GLIS3: variants seen among roughly 807,000 people sequenced by gnomAD.
GLIS3 encodes the protein GLIS family zinc finger 3.
GLIS3 carries 53 observed loss-of-function variants against 78.6 expected under a neutral mutation model. The observed-to-expected ratio is 0.67, with a 90% CI of 0.54 to 0.85. The LOEUF is 0.85. Ranked by LOEUF, GLIS3 falls within the 40% of genes least tolerant of loss-of-function variation. The pLI is 0.00. For synonymous variants in GLIS3, 684 were observed against 509.9 expected (o/e 1.34, Z -4.60); for missense variants, 1,703 against 1,231.1 (o/e 1.38, Z -5.74).
At chr9:4,226,926 G>C (rs993795583) in intron 2 of GLIS3, among the ~76,000 whole-genome samples, 2 of 152,186 alleles carry the variant, frequency 1.3e-5, no homozygotes, top group Non-Finnish European at 2.9e-5. Flanking sequence ...AAGGGAATCA[G>C]AATTATTCAT....
intron 4 of GLIS3, among the ~76,000 whole-genome samples, chr9:4,102,199 A>T (rs1278507043): frequency 6.6e-6 from 1 of 152,166 alleles, no homozygotes; most frequent in African/African-American, 2.4e-5. Context: ...AGGGTCAACT[A>T]AGTACTTGGA....
intron 7 of GLIS3, among the ~76,000 whole-genome samples, chr9:3,879,952 A>G (rs1283302675): frequency 6.6e-6 from 1 of 152,114 alleles, no homozygotes; most frequent in East Asian, 1.9e-4. Context: ...GATGAGAGTC[A>G]GGTAACAGAA....
At chr9:3,896,670 T>TAATTAA (rs756694471) in intron 7 of GLIS3, among the ~76,000 whole-genome samples, 3 of 50,016 alleles carry the variant, frequency 6.0e-5, no homozygotes, top group African/African-American at 2.5e-4. Flanking sequence ...CCATCTCAAT[T>TAATTAA]AAAAAAAAAA....
chr9:4,363,439 G>C, the GLIS3 span, among the ~76,000 whole-genome samples: 2 of 152,076 alleles, frequency 1.3e-5, no homozygotes, highest in South Asian at 2.1e-4. Flanking sequence ...TCAATAACTT[G>C]GTTGTTTTAA....
intron 2 of GLIS3, among the ~76,000 whole-genome samples, chr9:4,134,788 G>C (rs972850610): frequency 2.6e-5 from 4 of 152,196 alleles, no homozygotes; most frequent in African/African-American, 9.7e-5. Context: ...CTCTGTCAAA[G>C]TAGAAAGAAT....
intron 4 of GLIS3, among the ~76,000 whole-genome samples, chr9:4,090,835 G>A (rs1376391864): frequency 6.6e-6 from 1 of 152,174 alleles, no homozygotes; most frequent in Non-Finnish European, 1.5e-5. Context: ...ACTATTGCTG[G>A]TATGCTGGAG....
chr9:3,906,398 T>C (rs1425421088), intron 6 of GLIS3, among the ~76,000 whole-genome samples: 1 of 152,042 alleles, frequency 6.6e-6, no homozygotes, highest in Non-Finnish European at 1.5e-5. Context: ...CCTTCAAAAG[T>C]GCTCTTTCGA....
the GLIS3 span, among the ~76,000 whole-genome samples, chr9:4,476,833 A>G: frequency 7.9e-5 from 12 of 152,202 alleles, no homozygotes; most frequent in African/African-American, 2.9e-4. Flanking sequence ...CCACAATCCT[A>G]AAAGCTTAAA....
At chr9:3,906,764 C>T (rs1228448572) in intron 6 of GLIS3, among the ~76,000 whole-genome samples, 2 of 152,154 alleles carry the variant, frequency 1.3e-5, no homozygotes, top group Non-Finnish European at 2.9e-5. Context: ...GTACAAATAT[C>T]TTCATGTACT....
At chr9:3,891,063 C>T (rs1822397361) in intron 7 of GLIS3, among the ~76,000 whole-genome samples, 1 of 52,130 alleles carries the variant, frequency 1.9e-5, no homozygotes. Context: ...TTCCTTCCTT[C>T]CTCAAAAAAA....
chr9:4,050,907 A>T (rs944315085), intron 4 of GLIS3, among the ~76,000 whole-genome samples: 9 of 152,224 alleles, frequency 5.9e-5, no homozygotes, highest in Admixed American at 1.3e-4. Context: ...TAAACCTGAT[A>T]GTCAGGGTCC....
the GLIS3 span, among the ~76,000 whole-genome samples, chr9:4,439,215 T>C: frequency 2.6e-5 from 4 of 152,228 alleles, no homozygotes; most frequent in Admixed American, 6.5e-5. Flanking sequence ...CATAATTTTT[T>C]CTATTTTCCA....
intron 4 of GLIS3, among the ~76,000 whole-genome samples, chr9:4,097,411 G>A (rs1830043265): frequency 6.6e-6 from 1 of 151,930 alleles, no homozygotes. Context: ...TGCCCACCTG[G>A]GCAAGAAGGG....
the GLIS3 span, among the ~76,000 whole-genome samples, chr9:4,396,059 A>G: frequency 6.6e-6 from 1 of 151,212 alleles, no homozygotes; most frequent in Non-Finnish European, 1.5e-5. Context: ...GGAGTGAGCC[A>G]CTGCGCCTAG....
chr9:4,464,665 G>C, the GLIS3 span, among the ~76,000 whole-genome samples: 1 of 152,144 alleles, frequency 6.6e-6, no homozygotes. Context: ...AAAGTGCTGT[G>C]ATTACAGGCA....
intron 3 of GLIS3, among the ~76,000 whole-genome samples, chr9:4,123,240 A>G (rs1213320449): frequency 6.6e-6 from 1 of 152,200 alleles, no homozygotes; most frequent in Non-Finnish European, 1.5e-5. Context: ...CAAAGTTTCT[A>G]AACTAGTAAA....
chr9:4,129,820 G>C (rs1003899024), intron 2 of GLIS3, among the ~76,000 whole-genome samples: 1 of 152,246 alleles, frequency 6.6e-6, no homozygotes, highest in East Asian at 1.9e-4. Context: ...GGTATGGACA[G>C]AAGTTGAAAG....
In GLIS3 at chr9:4,286,079, T is replaced by A. The variant is rs1314603557; in HGVS notation, c.347A>T (p.Gln116Leu). The change falls in exon 2 of 11, where the codon CAG becomes CTG. Residue 116 changes from glutamine (Q) to leucine (L), a missense_variant. Transcript: ENST00000381971. The part of the protein sequence containing the change: ...MSGSHTLKPK[Q>L]QEFGSPFPPN... ...AGGAAAAGGGCTTCCAAACTCCTGC[T>A]GCTTTGGCTTTAAAGTATGTGACCC... The A allele has an allele frequency of 1.2e-6, 2 of 1,613,640 alleles. No homozygotes were observed. Among genetic ancestry groups the A allele is most frequent in the Admixed American group, 3.3e-5 (2 of 59,950 alleles).
At chr9:4,361,935 C>T in the GLIS3 span, among the ~76,000 whole-genome samples, 2 of 152,192 alleles carry the variant, frequency 1.3e-5, no homozygotes, top group African/African-American at 4.8e-5. Flanking sequence ...CTCTTCTCCT[C>T]ATCCAAAAGA....
Sources: allele counts gnomAD v4.1 joint callset (sites outside exome capture counted in the v4.1 genomes callset), GRCh38; gene constraint gnomAD v4.1.1; transcripts MANE v1.5; gene names NCBI Gene and HGNC (gene_info 2026-07-23, HGNC 2026-07-21).